ABCC4: variants seen among roughly 807,000 people sequenced by gnomAD.
ABCC4 encodes the protein ATP binding cassette subfamily C member 4 (PEL blood group), also known as ATP-binding cassette sub-family C member 4.
A neutral mutation model predicts 168.5 loss-of-function variants in ABCC4; 102 were observed. That is an observed-to-expected ratio of 0.61 (90% confidence interval 0.52 to 0.71). The LOEUF (loss-of-function observed/expected upper bound fraction) is 0.71, where lower values mean the gene tolerates loss of function less well. Among genes scored for constraint, ABCC4 ranks in the 30% least tolerant of loss-of-function variants. ABCC4 has a pLI of 0.00. For synonymous variants in ABCC4, 617 were observed against 590.7 expected (o/e 1.04, Z -0.65); for missense variants, 1,402 against 1,605.8 (o/e 0.87, Z 2.17).
At chr13:95,204,018 G>A (rs1042736925) in intron 8 of ABCC4, among the ~76,000 whole-genome samples, 12 of 152,138 alleles carry the variant, frequency 7.9e-5, no homozygotes, top group East Asian at 1.9e-4. Flanking sequence ...GAGCTGCACC[G>A]TACTGGCCTT....
chr13:95,120,476 G>C (rs1329046908), intron 19 of ABCC4, among the ~76,000 whole-genome samples: 1 of 147,784 alleles, frequency 6.8e-6, no homozygotes, highest in African/African-American at 2.5e-5. Context: ...CTGAGGCAGA[G>C]AATTGCTTGA....
At chr13:95,098,739 C>T (rs1172884587) in intron 20 of ABCC4, among the ~76,000 whole-genome samples, 1 of 152,042 alleles carries the variant, frequency 6.6e-6, no homozygotes, top group Non-Finnish European at 1.5e-5. Flanking sequence ...GAGATCTGAA[C>T]CAGTATTTCA....
chr13:95,170,801 C>T (rs1174527411), intron 13 of ABCC4, among the ~76,000 whole-genome samples, 173 bp from the exon 14 acceptor site: 1 of 152,118 alleles, frequency 6.6e-6, no homozygotes, highest in Non-Finnish European at 1.5e-5. Flanking sequence ...CTCAAAACCA[C>T]TAGCAGCAAA....
chr13:95,034,721 GTCTTCCTGAA>G lies in ABCC4; in HGVS notation c.3744_3753del (p.Ser1249Ter). The G allele has an allele frequency of 6.2e-7, 1 of 1,614,030 alleles. No individual in the cohort carries two copies. The highest frequency in any genetic ancestry group is 8.5e-7 in the Non-Finnish European group (1 of 1,180,012). ...ACATACGGCTCATCATATTCTTTCA[GTCTTCCTGAA>G]TCTAAAACCTGTTAATCAGCAGAAA... On this transcript the variant is annotated frameshift_variant, in exon 30 of 31. Transcript: ENST00000645237. LOFTEE classifies it high-confidence loss of function.
Position 95,234,714 on chromosome 13 carries a change from AAGTC to A in ABCC4, c.423_426del (p.Thr142PhefsTer22), listed in dbSNP as rs1231407756. On this transcript the variant is annotated frameshift_variant, in exon 4 of 31. Transcript: ENST00000645237. LOFTEE classifies it high-confidence loss of function. ...AGTATAGCCAAAATGAGCGTGCAAA[AAGTC>A]AGCACCGTGGCATAGGCGTACGCTG... The A allele has an allele frequency of 3.1e-6, 5 of 1,614,148 alleles. No individual in the cohort carries two copies. The highest frequency in any genetic ancestry group is 1.3e-5 in the African/African-American group (1 of 75,040).
At chr13:95,058,508 G>A (rs1339563559) in intron 26 of ABCC4, among the ~76,000 whole-genome samples, 4 of 129,618 alleles carry the variant, frequency 3.1e-5, no homozygotes, top group East Asian at 2.5e-4. Context: ...GGCAGATATT[G>A]CAGTGAGCTG....
intron 29 of ABCC4, 38 bp from the exon 30 acceptor site, chr13:95,034,777 G>C (rs2032049041): frequency 1.2e-6 from 2 of 1,612,876 alleles, no homozygotes; most frequent in Admixed American, 1.7e-5. Context: ...GAAACACAAT[G>C]TTTTGCAGTA....
At chr13:95,072,549 C>T (rs1566392411) in intron 24 of ABCC4, among the ~76,000 whole-genome samples, 1 of 152,348 alleles carries the variant, frequency 6.6e-6, no homozygotes, top group East Asian at 1.9e-4. Flanking sequence ...TGAAACCTCA[C>T]TGTAATAATT....
At position 95,123,219 on chromosome 13, in the gene ABCC4, T is replaced by G. The variant is rs2035637314; in HGVS notation, c.2456-7218A>C. ...TTCCTTCCTCTGGGTAACAATAATCTCCTACTTTGGACTCATTCCTTTCCT... is the reference window on the plus strand; with the variant it reads ...TTCCTTCCTCTGGGTAACAATAATCGCCTACTTTGGACTCATTCCTTTCCT... On this transcript the variant is annotated intron_variant, in intron 19 of 30. Coordinates refer to ENST00000645237, the MANE Select transcript of ABCC4 (RefSeq NM_005845.5). Among the ~76,000 whole-genome samples, 4 of 152,150 alleles carry G rather than the reference T, an allele frequency of 2.6e-5. No individual in the cohort carries two copies. The South Asian group carries it at 8.3e-4, about 32-fold the overall frequency.
At chr13:95,211,509 G>A (rs3782967) in intron 4 of ABCC4, among the ~76,000 whole-genome samples, 26,394 of 152,022 alleles carry the variant, frequency 0.17, 2,389 homozygotes, top group Non-Finnish European at 0.19. Context: ...ACAGAAGTAC[G>A]GAGAAGGAGG....
chr13:95,157,113 CACACACACACACACACAA>C (rs1351326139), intron 19 of ABCC4, among the ~76,000 whole-genome samples: 21 of 144,554 alleles, frequency 1.5e-4, no homozygotes, highest in African/African-American at 5.9e-4. Flanking sequence ...CACACACACA[CACACACACACACACACAA>C]ACAGTCACCA....
chr13:95,091,931 C>T (rs2034448390), intron 20 of ABCC4, among the ~76,000 whole-genome samples: 1 of 152,124 alleles, frequency 6.6e-6, no homozygotes, highest in Non-Finnish European at 1.5e-5. Context: ...ACTCACCTAA[C>T]ACATAAGCAC....
chr13:95,167,611 T>A (rs1011560907), intron 14 of ABCC4, among the ~76,000 whole-genome samples: 2 of 152,186 alleles, frequency 1.3e-5, no homozygotes, highest in Non-Finnish European at 2.9e-5. Flanking sequence ...ATACATTGTG[T>A]CTTCTTCCAC....
intron 1 of ABCC4, among the ~76,000 whole-genome samples, chr13:95,290,149 T>TA (rs202240726): frequency 7.8e-5 from 9 of 115,584 alleles, no homozygotes; most frequent in South Asian, 2.8e-4. Flanking sequence ...GATAGATAGA[T>TA]GATAGATAGA....
chr13:95,252,703 T>C (rs776900570), intron 1 of ABCC4, among the ~76,000 whole-genome samples: 4 of 151,948 alleles, frequency 2.6e-5, no homozygotes, highest in Admixed American at 6.6e-5. Context: ...AACAAAGATA[T>C]GTGTAAGTAG....
intron 1 of ABCC4, among the ~76,000 whole-genome samples, chr13:95,256,873 G>C (rs1262293191): frequency 2.6e-5 from 4 of 152,170 alleles, no homozygotes; most frequent in Non-Finnish European, 5.9e-5. Context: ...AGATGACATA[G>C]TTCTCTCTTG....
intron 27 of ABCC4, among the ~76,000 whole-genome samples, chr13:95,046,512 C>G (rs757922694): frequency 2.6e-5 from 4 of 152,124 alleles, no homozygotes; most frequent in Non-Finnish European, 4.4e-5. Context: ...TGCCTGTAAT[C>G]CCAGCACTTT....
At chr13:95,255,533 T>A (rs1048970493) in intron 1 of ABCC4, among the ~76,000 whole-genome samples, 4 of 152,044 alleles carry the variant, frequency 2.6e-5, no homozygotes, top group African/African-American at 9.7e-5. Context: ...CTCAACATGG[T>A]CCCAACCCAG....
At chr13:95,065,829 A>C (rs750260016) in intron 25 of ABCC4, among the ~76,000 whole-genome samples, 1 of 152,180 alleles carries the variant, frequency 6.6e-6, no homozygotes, top group Non-Finnish European at 1.5e-5. Flanking sequence ...ACTTTGTTTT[A>C]ATCAACATTA....
Sources: allele counts gnomAD v4.1 joint callset (sites outside exome capture counted in the v4.1 genomes callset), GRCh38; gene constraint gnomAD v4.1.1; transcripts MANE v1.5; gene names NCBI Gene and HGNC (gene_info 2026-07-23, HGNC 2026-07-21).